FBXO31: variants seen among roughly 807,000 people sequenced by gnomAD.
The protein encoded by FBXO31 is F-box protein 31.
Under a neutral mutation model 54.4 loss-of-function variants are expected in FBXO31, and 24 were observed. The ratio of observed to expected loss-of-function variants is 0.44; its 90% CI spans 0.32 to 0.62. The LOEUF (loss-of-function observed/expected upper bound fraction) is 0.62. Among genes scored for constraint, FBXO31 ranks in the 20% least tolerant of loss-of-function variants. The pLI, the probability that FBXO31 is intolerant of heterozygous loss-of-function variation, is 0.05. For synonymous variants in FBXO31, 388 were observed against 335.6 expected (o/e 1.16, Z -1.71); for missense variants, 665 against 787.1 (o/e 0.84, Z 1.86).
At chr16:87,355,924 A>C (rs1905870599) in intron 2 of FBXO31, among the ~76,000 whole-genome samples, 1 of 152,214 alleles carries the variant, frequency 6.6e-6, no homozygotes, top group African/African-American at 2.4e-5. Context: ...CACAGTGCAC[A>C]TTCCAGAGAA....
Position 87,354,105 on chromosome 16 carries a change from A to C in FBXO31, c.412+6190T>G, listed in dbSNP as rs181102548. 1.0e-4 allele frequency among the ~76,000 whole-genome samples: 16 copies of C among 152,384 alleles called. No individual in the cohort carries two copies. The East Asian group carries it at 2.9e-3, about 28-fold the overall frequency. On this transcript the variant is annotated intron_variant, in intron 2 of 8. Coordinates refer to ENST00000311635, the MANE Select transcript of FBXO31 (RefSeq NM_024735.5). ...ACTACATTTCTAAGCAAGGCACTCC[A>C]TATTTTTAGAAGATATCATTGTTAA...
In FBXO31 at chr16:87,338,832, T is replaced by A. The variant is rs1263193514; in HGVS notation, c.733-2568A>T. Among the ~76,000 whole-genome samples the A allele has an allele frequency of 6.6e-6, 1 of 152,002 alleles. No homozygotes were observed. The highest frequency in any genetic ancestry group is 1.5e-5 in the Non-Finnish European group (1 of 68,002). The stretch of plus-strand genomic sequence containing the variant: ...TGGTTTGGCTGTGTCCCCACCCAAA[T>A]CTCATCTTGAACTGTAGCTCTTCCA... On this transcript the variant is annotated intron_variant, in intron 5 of 8. Transcript: ENST00000311635. This position sits in a 1 kb window ranked among gnomAD's most constrained non-coding sequence, Gnocchi z 4.3.
intron 4 of FBXO31, among the ~76,000 whole-genome samples, 199 bp downstream of exon 4, chr16:87,343,399 G>T (rs927251989): frequency 6.6e-5 from 10 of 152,272 alleles, no homozygotes; most frequent in Non-Finnish European, 1.5e-4. Flanking sequence ...ATCAAGAGGG[G>T]TCCAGCAAGT....
chr16:87,377,803 T>C (rs1193032991), intron 1 of FBXO31, among the ~76,000 whole-genome samples: 3 of 150,478 alleles, frequency 2.0e-5, no homozygotes, highest in Admixed American at 6.7e-5. Context: ...CACTCTAGCC[T>C]GGGTGACAGA....
chr16:87,349,590 A>C (rs1289154949), intron 2 of FBXO31, among the ~76,000 whole-genome samples: 2 of 152,208 alleles, frequency 1.3e-5, no homozygotes, highest in Admixed American at 1.3e-4. Flanking sequence ...AAGTGCCTGT[A>C]ATCCCAGCTA....
intron 2 of FBXO31, among the ~76,000 whole-genome samples, chr16:87,349,642 G>A (rs1417348253): frequency 2.6e-5 from 4 of 152,030 alleles, no homozygotes; most frequent in African/African-American, 7.2e-5. Context: ...ACAGGGAGGC[G>A]GAGGCTGCAG....
chr16:87,332,019 T>A (rs1041894244), intron 8 of FBXO31, among the ~76,000 whole-genome samples: 5 of 152,352 alleles, frequency 3.3e-5, no homozygotes, highest in South Asian at 2.1e-4. Flanking sequence ...TTTATGGCTT[T>A]GAGGTCAACA....
intron 1 of FBXO31, among the ~76,000 whole-genome samples, chr16:87,362,916 CCT>C (rs1414376817): frequency 6.6e-6 from 1 of 152,080 alleles, no homozygotes; most frequent in African/African-American, 2.4e-5. Flanking sequence ...GTCAGGGACC[CCT>C]GTCTTTACTA....
chr16:87,348,514 G>A (rs1345885419), intron 2 of FBXO31, among the ~76,000 whole-genome samples: 1 of 152,172 alleles, frequency 6.6e-6, no homozygotes, highest in Non-Finnish European at 1.5e-5. Context: ...GCTGATCTGG[G>A]GCATGGTCCC....
rs546873124 is a variant in FBXO31 at position 87,376,453 on chromosome 16, T to C, written c.340+6952A>G. Reference sequence around the variant, plus strand: ...CACGTCCAGCTAATTTTTGTATTTTTAGTAGAGACAGGGGTTTCACCAGGT... The same window carrying C: ...CACGTCCAGCTAATTTTTGTATTTTCAGTAGAGACAGGGGTTTCACCAGGT... On this transcript the variant is annotated intron_variant, in intron 1 of 8. Coordinates refer to ENST00000311635, the MANE Select transcript of FBXO31 (RefSeq NM_024735.5). Among the ~76,000 whole-genome samples, 17 of 152,184 alleles carry C rather than the reference T, an allele frequency of 1.1e-4. No individual in the cohort carries two copies. The South Asian group carries it at 3.1e-3, about 28-fold the overall frequency.
Position 87,358,717 on chromosome 16 carries a change from C to A in FBXO31, c.412+1578G>T, listed in dbSNP as rs996359515. 6.6e-6 allele frequency among the ~76,000 whole-genome samples: 1 copy of A among 152,156 alleles called. No individual in the cohort carries two copies. Among genetic ancestry groups the A allele is most frequent in the African/African-American group, 2.4e-5 (1 of 41,428 alleles). ...CATCAGTGGTGCCACCAGAAACTCA[C>A]GGTGGCAGCAAGCTTGGAAATCCTT... On this transcript the variant is annotated intron_variant, in intron 2 of 8. Coordinates refer to ENST00000311635, the MANE Select transcript of FBXO31 (RefSeq NM_024735.5). The surrounding 1 kb of genome is among the most constrained non-coding windows in gnomAD (Gnocchi z 4.0).
intron 2 of FBXO31, among the ~76,000 whole-genome samples, chr16:87,351,359 A>G (rs1905647467): frequency 6.6e-6 from 1 of 152,068 alleles, no homozygotes; most frequent in Admixed American, 6.6e-5. Flanking sequence ...CTAGATGCCT[A>G]TCTTTCTAAA....
intron 4 of FBXO31, 98 bp downstream of exon 4, chr16:87,343,499 AG>A: frequency 7.0e-7 from 1 of 1,421,338 alleles, no homozygotes; most frequent in Non-Finnish European, 9.5e-7. Context: ...GATCTGCTAC[AG>A]CCCAGGTCTG....
chr16:87,356,538 A>G (rs1039352835), intron 2 of FBXO31, among the ~76,000 whole-genome samples: 1 of 152,160 alleles, frequency 6.6e-6, no homozygotes, highest in African/African-American at 2.4e-5. Context: ...TCACACCTCA[A>G]CAAGGCAGTG....
chr16:87,382,957 C>T (rs1016941977), intron 1 of FBXO31, among the ~76,000 whole-genome samples: 1 of 152,132 alleles, frequency 6.6e-6, no homozygotes, highest in African/African-American at 2.4e-5. Flanking sequence ...TCAAGTTCAC[C>T]TCGTCTCTGG....
chr16:87,383,329 GC>G lies in FBXO31; in HGVS notation c.340+75del. ...GCCCCCGGCCGGGGCCACCGCCCCCGCCACTCCCAGCTCCGAGGCCTCCACC... is the reference window on the plus strand; with the variant it reads ...GCCCCCGGCCGGGGCCACCGCCCCCGCACTCCCAGCTCCGAGGCCTCCACC... On this transcript the variant is annotated intron_variant, in intron 1 of 8. Coordinates refer to ENST00000311635, the MANE Select transcript of FBXO31 (RefSeq NM_024735.5). This position sits in a 1 kb window ranked among gnomAD's most constrained non-coding sequence, Gnocchi z 4.9. 8.5e-7 allele frequency: 1 copy of G among 1,173,518 alleles called. No homozygotes were observed. The highest frequency in any genetic ancestry group is 1.1e-6 in the Non-Finnish European group (1 of 886,316). 72.7% of individuals were successfully genotyped at this position (1,173,518 alleles called of 1,614,324 possible). A position where few individuals can be genotyped will look rare whatever the true frequency, so the allele number is the denominator to read the frequency against.
intron 2 of FBXO31, among the ~76,000 whole-genome samples, chr16:87,357,263 A>C (rs938197347): frequency 6.6e-6 from 1 of 151,842 alleles, no homozygotes; most frequent in Admixed American, 6.6e-5. Context: ...AAGTGGAGAC[A>C]GCATTAAATT....
chr16:87,387,733 G>A (rs1004538122), upstream of FBXO31, among the ~76,000 whole-genome samples: 1 of 152,216 alleles, frequency 6.6e-6, no homozygotes, highest in South Asian at 2.1e-4. Flanking sequence ...TGTGAACCCG[G>A]GAGGCGGAGC....
intron 2 of FBXO31, among the ~76,000 whole-genome samples, chr16:87,348,198 G>A (rs1485520890): frequency 6.6e-6 from 1 of 152,120 alleles, no homozygotes; most frequent in Non-Finnish European, 1.5e-5. Context: ...TCAGCCATGT[G>A]GCTGCCACCA....
Sources: gnomAD v4.1 joint callset for allele counts (sites outside exome capture counted in the v4.1 genomes callset) on GRCh38, gnomAD v4.1.1 for gene constraint, Gnocchi (gnomAD v3.1) non-coding constraint, MANE v1.5 for transcripts, NCBI Gene and HGNC (gene_info 2026-07-23, HGNC 2026-07-21) for gene names.